Variants in GOLM2 observed in about 807,000 individuals in gnomAD.
GOLM2 encodes the protein golgi membrane protein 2, also known as protein GOLM2.
Under a neutral mutation model 55.9 loss-of-function variants are expected in GOLM2, and 26 were observed. The observed-to-expected ratio is 0.47, with a 90% CI of 0.34 to 0.65. GOLM2 has a LOEUF of 0.65. GOLM2 is among the 30% of genes least tolerant of loss of function. The pLI is 0.01. For missense variants in GOLM2, 486 were observed against 531.8 expected (o/e 0.91, Z 0.85); for synonymous variants, 165 against 194.6 (o/e 0.85, Z 1.27).
At chr15:44,389,229 T>C (rs2079471139) in intron 8 of GOLM2, among the ~76,000 whole-genome samples, 2 of 152,164 alleles carry the variant, frequency 1.3e-5, no homozygotes, top group African/African-American at 4.8e-5. Flanking sequence ...TAAATCATTA[T>C]TCTCAAAAAT....
intron 6 of GOLM2, among the ~76,000 whole-genome samples, chr15:44,345,009 C>T (rs1343579115): frequency 6.6e-6 from 1 of 150,928 alleles, no homozygotes. Context: ...GACGGGGTTT[C>T]ACCATGTTAG....
intron 6 of GOLM2, among the ~76,000 whole-genome samples, chr15:44,350,671 A>G (rs1441258425): frequency 6.6e-6 from 1 of 152,228 alleles, no homozygotes; most frequent in Non-Finnish European, 1.5e-5. Flanking sequence ...CACATCAAGG[A>G]AAAAGAAAAC....
chr15:44,344,285 G>GTA (rs1177349967), intron 6 of GOLM2, among the ~76,000 whole-genome samples: 1 of 140,684 alleles, frequency 7.1e-6, no homozygotes, highest in East Asian at 2.2e-4. Context: ...GTATATGTGT[G>GTA]TGTATATATA....
intron 6 of GOLM2, among the ~76,000 whole-genome samples, chr15:44,338,797 T>C (rs2079073625): frequency 6.6e-6 from 1 of 152,154 alleles, no homozygotes. Context: ...TGTTTAACAT[T>C]TTTTTTCTTC....
chr15:44,379,637 T>TA, intron 6 of GOLM2, 53 bp from the exon 7 acceptor site: 7 of 736,298 alleles, frequency 9.5e-6, no homozygotes, highest in South Asian at 1.8e-5. Flanking sequence ...TTTTTTTTTT[T>TA]TAGAAATCAT....
chr15:44,411,627 G>A (rs1046886553), intron 9 of GOLM2, among the ~76,000 whole-genome samples: 1 of 151,912 alleles, frequency 6.6e-6, no homozygotes, highest in African/African-American at 2.4e-5. Flanking sequence ...AGATCACAAG[G>A]CCAGGAGTTT....
chr15:44,365,015 A>G (rs2079274384), intron 6 of GOLM2, among the ~76,000 whole-genome samples: 2 of 152,186 alleles, frequency 1.3e-5, no homozygotes, highest in Non-Finnish European at 1.5e-5. Flanking sequence ...TGACCGTATG[A>G]TCCTGAAATC....
chr15:44,403,068 T>G lies in GOLM2; in HGVS notation c.1240+14T>G, dbSNP rs1349919408. 1 of 1,613,774 alleles carries G rather than the reference T, an allele frequency of 6.2e-7. No individual in the cohort carries two copies. Among genetic ancestry groups the G allele is most frequent in the African/African-American group, 1.3e-5 (1 of 74,912 alleles). On this transcript the variant is annotated intron_variant, in intron 9 of 9. Coordinates refer to ENST00000299957, the MANE Select transcript of GOLM2 (RefSeq NM_138423.4). The stretch of plus-strand genomic sequence containing the variant: ...AAGACGTCCAAGGTGAGCGTGGGCC[T>G]GGCCTCCATGCTATAACCATGAAAC...
rs78752505 is a variant in GOLM2 at position 44,402,300 on chromosome 15, T to A, written c.1073-587T>A. Among the ~76,000 whole-genome samples the A allele has an allele frequency of 2.2e-3, 333 of 152,262 alleles. 1 individual carries two copies. Among genetic ancestry groups the A allele is most frequent in the African/African-American group, 7.6e-3 (314 of 41,562 alleles). The stretch of plus-strand genomic sequence containing the variant: ...TTAAACCACTAGGGATTCTGATGGC[T>A]TACCTTCTTTGTCATCCCTTTTTGG... On this transcript the variant is annotated intron_variant, in intron 8 of 9. Transcript: ENST00000299957.
intron 6 of GOLM2, among the ~76,000 whole-genome samples, chr15:44,376,788 AT>A (rs2079367651): frequency 6.6e-6 from 1 of 151,128 alleles, no homozygotes; most frequent in Non-Finnish European, 1.5e-5. Flanking sequence ...TTAATTTTTA[AT>A]TTTTTAGGTA....
At chr15:44,302,682 G>A (rs1390418615) in intron 1 of GOLM2, among the ~76,000 whole-genome samples, 2 of 151,470 alleles carry the variant, frequency 1.3e-5, no homozygotes, top group East Asian at 3.9e-4. Flanking sequence ...GTAGAGATGG[G>A]GTTTCATTGT....
intron 1 of GOLM2, among the ~76,000 whole-genome samples, chr15:44,298,740 A>C (rs924433917): frequency 6.6e-6 from 1 of 152,118 alleles, no homozygotes; most frequent in Non-Finnish European, 1.5e-5. Flanking sequence ...CTGCGGGAAA[A>C]ATTGTTCTTA....
chr15:44,318,652 C>T (rs115589394), intron 1 of GOLM2, among the ~76,000 whole-genome samples: 7,832 of 149,884 alleles, frequency 0.052, 327 homozygotes, highest in East Asian at 0.2. Flanking sequence ...GAGGTTGCAG[C>T]GAGCAGAGAT....
chr15:44,409,996 C>T (rs893897375), intron 9 of GOLM2: 1 of 151,636 alleles, frequency 6.6e-6, no homozygotes, highest in Non-Finnish European at 1.5e-5. Context: ...AGAAAATTAT[C>T]CACTGCTACA....
Position 44,413,908 on chromosome 15 carries a change from T to G in GOLM2, c.*502T>G, listed in dbSNP as rs141209769. The G allele has an allele frequency of 6.6e-6, 1 of 152,260 alleles. No homozygotes were observed. Among genetic ancestry groups the G allele is most frequent in the Non-Finnish European group, 1.5e-5 (1 of 68,078 alleles). The allele number at this position is 152,260 out of a possible 1,614,324, so 9.4% of individuals were successfully genotyped here. A position where few individuals can be genotyped will look rare whatever the true frequency, so the allele number is the denominator to read the frequency against. On this transcript the variant is annotated 3_prime_UTR_variant, in exon 10 of 10. Coordinates refer to ENST00000299957, the MANE Select transcript of GOLM2 (RefSeq NM_138423.4). ...TCACTGCAACCTCCGCCTCCTGGGT[T>G]CAGGCAATTTTCCTGCCTCAGCCTC...
intron 8 of GOLM2, among the ~76,000 whole-genome samples, chr15:44,385,342 TCCTC>T (rs1294309698): frequency 1.2e-4 from 13 of 107,556 alleles, no homozygotes; most frequent in Middle Eastern, 4.7e-3. Context: ...CTCCCTCCCT[TCCTC>T]CCTCCCTCCC....
chr15:44,386,492 A>C (rs1171499026), intron 8 of GOLM2, among the ~76,000 whole-genome samples: 1 of 152,134 alleles, frequency 6.6e-6, no homozygotes, highest in African/African-American at 2.4e-5. Flanking sequence ...GTTCATCTTT[A>C]AGATTATTTT....
intron 4 of GOLM2, among the ~76,000 whole-genome samples, chr15:44,333,795 C>T (rs944687199): frequency 2.6e-5 from 4 of 152,020 alleles, no homozygotes; most frequent in Non-Finnish European, 1.5e-5. Flanking sequence ...CAGCTCACTG[C>T]AAGTTCCGCC....
chr15:44,368,534 C>T (rs934348114), intron 6 of GOLM2, among the ~76,000 whole-genome samples: 2 of 151,638 alleles, frequency 1.3e-5, no homozygotes, highest in Non-Finnish European at 2.9e-5. Flanking sequence ...GTTCATTGAC[C>T]CCTTTTTTTC....
Sources: gnomAD v4.1 joint callset for allele counts (sites outside exome capture counted in the v4.1 genomes callset) on GRCh38, gnomAD v4.1.1 for gene constraint, MANE v1.5 for transcripts, NCBI Gene and HGNC (gene_info 2026-07-23, HGNC 2026-07-21) for gene names.